The following CTNNA2 variants were observed in gnomAD, a reference collection of about 807,000 sequenced individuals.
CTNNA2 encodes the protein catenin alpha 2.
In CTNNA2, 42 loss-of-function variants were observed where a neutral mutation model predicts 101.0. The observed-to-expected ratio is 0.42, with a 90% CI of 0.32 to 0.54. The LOEUF (loss-of-function observed/expected upper bound fraction) is 0.54, where lower values mean the gene tolerates loss of function less well. Among genes scored for constraint, CTNNA2 ranks in the 20% least tolerant of loss-of-function variants. CTNNA2 has a pLI of 0.14. For synonymous variants in CTNNA2, 450 were observed against 456.4 expected (o/e 0.99, Z 0.18); for missense variants, 871 against 1,223.1 (o/e 0.71, Z 4.29).
intron 6 of CTNNA2, among the ~76,000 whole-genome samples, chr2:79,896,829 G>A (rs564568863): frequency 6.6e-6 from 1 of 152,188 alleles, no homozygotes; most frequent in African/African-American, 2.4e-5. Flanking sequence ...CTGCCAAGAA[G>A]CATCAGAGAG....
At chr2:79,649,920 A>C (rs1279709386) in intron 1 of CTNNA2, among the ~76,000 whole-genome samples, 1 of 152,134 alleles carries the variant, frequency 6.6e-6, no homozygotes, top group Non-Finnish European at 1.5e-5. Flanking sequence ...GCCTATTGTG[A>C]TAGGCCTTCT....
At chr2:80,545,772 T>A (rs947680478) in intron 10 of CTNNA2, 135 bp from the exon 11 acceptor site, 2 of 723,812 alleles carry the variant, frequency 2.8e-6, no homozygotes, top group Non-Finnish European at 4.3e-6. Context: ...ATGTGTTTGA[T>A]TGTCCTTCTG....
upstream of CTNNA2, among the ~76,000 whole-genome samples, chr2:79,511,023 C>G (rs1338037873): frequency 1.3e-5 from 2 of 152,200 alleles, no homozygotes; most frequent in African/African-American, 2.4e-5. Flanking sequence ...ATAAATTTGT[C>G]TGGTCACTCT....
At position 79,946,504 on chromosome 2, in the gene CTNNA2, G is replaced by A. The variant is rs1425603540; in HGVS notation, c.1056+36707G>A. 2.6e-5 allele frequency among the ~76,000 whole-genome samples: 4 copies of A among 152,150 alleles called. No homozygotes were observed. The South Asian group carries it at 8.3e-4, about 32-fold the overall frequency. ...ATTTTTCTTAAGGTTGAATATCGAA[G>A]TATATATCTAAATGATATAAATAGA... On this transcript the variant is annotated intron_variant, in intron 7 of 18. Transcript: ENST00000402739.
intron 7 of CTNNA2, among the ~76,000 whole-genome samples, chr2:80,000,721 G>A (rs1243288908): frequency 1.3e-5 from 2 of 152,196 alleles, no homozygotes; most frequent in African/African-American, 4.8e-5. Flanking sequence ...CTCCAAGCAA[G>A]GAAGAAGTTC....
At chr2:80,196,024 T>C (rs1330928604) in intron 7 of CTNNA2, among the ~76,000 whole-genome samples, 1 of 152,208 alleles carries the variant, frequency 6.6e-6, no homozygotes, top group Non-Finnish European at 1.5e-5. Flanking sequence ...AATACCATTA[T>C]ATTAAAAATA....
At position 80,648,685 on chromosome 2, in the gene CTNNA2, A is replaced by C. The variant is rs1470804022; in HGVS notation, c.*813A>C. On this transcript the variant is annotated 3_prime_UTR_variant, in exon 19 of 19. Transcript: ENST00000402739. ...GGGAAGGAAACTGACAACGTGTGAA[A>C]GTTAGAGGCAAATACATAGGTGTAG... 2.0e-5 allele frequency: 3 copies of C among 152,172 alleles called. No individual in the cohort carries two copies. The highest frequency in any genetic ancestry group is 4.4e-5 in the Non-Finnish European group (3 of 68,024). 9.4% of individuals were successfully genotyped at this position (152,172 alleles called of 1,614,324 possible).
chr2:79,999,596 T>G (rs1692793558), intron 7 of CTNNA2, among the ~76,000 whole-genome samples: 1 of 152,196 alleles, frequency 6.6e-6, no homozygotes, highest in Admixed American at 6.5e-5. Context: ...ATTATTTTAT[T>G]TATTTAATTC....
At position 80,423,958 on chromosome 2, in the gene CTNNA2, C is replaced by T. The variant is rs185228706; in HGVS notation, c.1290+4357C>T. ...GACTGACTTAAAAACTGTCAGCAAA[C>T]GTTCTTTTTTTTTTTGAGATGGAGT... On this transcript the variant is annotated intron_variant, in intron 9 of 18. Coordinates refer to ENST00000402739, the MANE Select transcript of CTNNA2 (RefSeq NM_001282597.3). Among the ~76,000 whole-genome samples, 16 of 151,866 alleles carry T rather than the reference C, an allele frequency of 1.1e-4. 1 individual carries two copies. Among genetic ancestry groups the T allele is most frequent in the Admixed American group, 9.2e-4 (14 of 15,244 alleles).
chr2:79,281,304 T>C (rs985306774), intron 2 of CTNNA2, among the ~76,000 whole-genome samples: 1 of 152,150 alleles, frequency 6.6e-6, no homozygotes, highest in Admixed American at 6.5e-5. Flanking sequence ...CTGGTCCCCA[T>C]GGTGGTGATC....
intron 9 of CTNNA2, among the ~76,000 whole-genome samples, chr2:80,516,192 T>C (rs565081551): frequency 6.6e-6 from 1 of 152,198 alleles, no homozygotes; most frequent in Non-Finnish European, 1.5e-5. Context: ...CTGAGCTGAT[T>C]GGCTAATATG....
chr2:79,380,842 A>G lies in CTNNA2; in HGVS notation c.-135+6829A>G, dbSNP rs17017020. 0.012 allele frequency among the ~76,000 whole-genome samples: 1,759 copies of G among 152,304 alleles called. 102 individuals are homozygous for G. In the East Asian group the frequency reaches 0.17, roughly 14 times the overall value. On this transcript the variant is annotated intron_variant, in intron 4 of 21. Transcript: ENST00000466387. ...TTTCTTCTGCTATAACATTGCTGTAAAGAAACCCTGCACTGCAGTCCAGTA... is the reference window on the plus strand; with the variant it reads ...TTTCTTCTGCTATAACATTGCTGTAGAGAAACCCTGCACTGCAGTCCAGTA...
At chr2:80,530,720 C>G (rs1006391227) in intron 9 of CTNNA2, among the ~76,000 whole-genome samples, 2 of 152,162 alleles carry the variant, frequency 1.3e-5, no homozygotes. Flanking sequence ...TTCGATAGCA[C>G]TGTTTAATGA....
At chr2:80,583,874 G>A (rs1695749661) in intron 14 of CTNNA2, among the ~76,000 whole-genome samples, 1 of 151,864 alleles carries the variant, frequency 6.6e-6, no homozygotes, top group East Asian at 1.9e-4. Context: ...GTTTTTTTCA[G>A]CATGAATTAT....
chr2:79,597,896 A>G (rs1677305596), intron 1 of CTNNA2, among the ~76,000 whole-genome samples: 1 of 152,216 alleles, frequency 6.6e-6, no homozygotes, highest in Non-Finnish European at 1.5e-5. Flanking sequence ...ATCATACAGA[A>G]TAGTTTCACT....
intron 15 of CTNNA2, among the ~76,000 whole-genome samples, chr2:80,593,594 C>G (rs1015686365): frequency 6.6e-6 from 1 of 152,096 alleles, no homozygotes; most frequent in Non-Finnish European, 1.5e-5. Context: ...CATTACCACC[C>G]TCCATCTCCA....
At chr2:79,363,786 G>A (rs1006114936) in intron 3 of CTNNA2, among the ~76,000 whole-genome samples, 5 of 152,158 alleles carry the variant, frequency 3.3e-5, no homozygotes, top group African/African-American at 7.2e-5. Flanking sequence ...AGGAGCAAAC[G>A]AATTATACAG....
chr2:80,557,195 A>C (rs978020172), intron 12 of CTNNA2, among the ~76,000 whole-genome samples: 7 of 152,176 alleles, frequency 4.6e-5, no homozygotes, highest in African/African-American at 1.7e-4. Context: ...ACTTAGACAT[A>C]ATAACAAAAA....
intron 3 of CTNNA2, among the ~76,000 whole-genome samples, chr2:79,809,648 T>A (rs1676851310): frequency 6.6e-6 from 1 of 152,216 alleles, no homozygotes; most frequent in Non-Finnish European, 1.5e-5. Flanking sequence ...TTTTTTCTTG[T>A]AAATTTGTTT....
Sources: allele counts gnomAD v4.1 joint callset (sites outside exome capture counted in the v4.1 genomes callset), GRCh38; gene constraint gnomAD v4.1.1; transcripts MANE v1.5; gene names NCBI Gene and HGNC (gene_info 2026-07-23, HGNC 2026-07-21).